BRWD3: variants seen among roughly 807,000 people sequenced by gnomAD.
BRWD3 encodes bromodomain and WD repeat-containing protein 3.
BRWD3 carries 10 observed loss-of-function variants against 149.7 expected under a neutral mutation model. The observed-to-expected ratio is 0.07, with a 90% CI of 0.04 to 0.11. The LOEUF (loss-of-function observed/expected upper bound fraction) is 0.11, where lower values mean the gene tolerates loss of function less well. Ranked by LOEUF, BRWD3 falls within the 10% of genes least tolerant of loss-of-function variation. BRWD3 has a pLI of 1.00. For synonymous variants in BRWD3, 504 were observed against 456.7 expected (o/e 1.10, Z -1.32); for missense variants, 940 against 1,373.2 (o/e 0.68, Z 4.99).
At chrX:80,796,736 G>A (rs1231976634) in intron 4 of BRWD3, among the ~76,000 whole-genome samples, 1 of 112,257 alleles carries the variant, frequency 8.9e-6, no homozygotes, top group Non-Finnish European at 1.9e-5. Context: ...CCAGGGTTTA[G>A]CATCAGGACA....
At chrX:80,702,874 A>G (rs1470147375) in intron 24 of BRWD3, among the ~76,000 whole-genome samples, 1 of 112,009 alleles carries the variant, frequency 8.9e-6, no homozygotes, top group Non-Finnish European at 1.9e-5. Context: ...GATTAAAAAA[A>G]TTAGTATATC....
chrX:80,775,294 T>C (rs1465120587), intron 6 of BRWD3, among the ~76,000 whole-genome samples: 1 of 111,754 alleles, frequency 8.9e-6, no homozygotes, highest in Non-Finnish European at 1.9e-5. Flanking sequence ...CCTACCTCCC[T>C]TTCCAGTCTC....
rs1009210917 is a variant in BRWD3 at position 80,767,113 on chromosome X, T to G, written c.431-21384A>C. ...TAGGTAAACAAAGCCACAGGAAGCT[T>G]GAACTGGGCGGAGCCCACCTCAGCT... On this transcript the variant is annotated intron_variant, in intron 6 of 40. Coordinates refer to ENST00000373275, the MANE Select transcript of BRWD3 (RefSeq NM_153252.5). 2.7e-5 allele frequency among the ~76,000 whole-genome samples: 3 copies of G among 112,129 alleles called. No individual in the cohort carries two copies. The Admixed American group carries it at 2.8e-4, about 11-fold the overall frequency.
intron 14 of BRWD3, among the ~76,000 whole-genome samples, chrX:80,727,871 T>A (rs1056635582): frequency 2.1e-4 from 23 of 111,939 alleles, no homozygotes; most frequent in African/African-American, 7.1e-4. Flanking sequence ...TTAGCACTTA[T>A]CTGATTAAAG....
chrX:80,793,994 C>G (rs1316277108), intron 4 of BRWD3, among the ~76,000 whole-genome samples: 1 of 110,415 alleles, frequency 9.1e-6, no homozygotes, highest in East Asian at 2.9e-4. Context: ...GCGTGGCCAA[C>G]ATGGTGAAAC....
rs770291379 is a variant in BRWD3, at chrX:80,737,380, A to G, written c.814-1292T>C. 2.1e-4 allele frequency among the ~76,000 whole-genome samples: 24 copies of G among 112,325 alleles called. No homozygotes were observed. The East Asian group carries it at 6.1e-3, about 29-fold the overall frequency. ...AATTTGTTGTTATACTATATTACTT[A>G]AGGGATAATGACAAGAAAAAAATCT... is the stretch of plus-strand genomic sequence containing the variant. On this transcript the variant is annotated intron_variant, in intron 8 of 40. Transcript: ENST00000373275.
At chrX:80,700,113 T>C (rs2072759820) in intron 24 of BRWD3, 49 bp from the exon 25 acceptor site, 4 of 903,847 alleles carry the variant, frequency 4.4e-6, no homozygotes, top group Non-Finnish European at 6.4e-6. Flanking sequence ...TATATAACTC[T>C]GTATGTCCAA....
At chrX:80,762,687 C>T (rs1289626516) in intron 6 of BRWD3, among the ~76,000 whole-genome samples, 2 of 111,493 alleles carry the variant, frequency 1.8e-5, no homozygotes, top group Non-Finnish European at 3.8e-5. Flanking sequence ...TTTACCAATT[C>T]TCCTTACCTT....
At chrX:80,796,407 G>A (rs1307601230) in intron 4 of BRWD3, among the ~76,000 whole-genome samples, 2 of 111,540 alleles carry the variant, frequency 1.8e-5, no homozygotes, top group Non-Finnish European at 3.8e-5. Flanking sequence ...GGGATTACAG[G>A]CATGAGCCAC....
At chrX:80,700,442 A>ATATATATATATATATATATATAT (rs58761845) in intron 24 of BRWD3, among the ~76,000 whole-genome samples, 8 of 94,696 alleles carry the variant, frequency 8.4e-5, no homozygotes, top group South Asian at 5.0e-4. Context: ...TGATATATAT[A>ATATATATATATATATATATATAT]ACAATACAAT....
chrX:80,761,433 C>T (rs765096588), intron 6 of BRWD3, among the ~76,000 whole-genome samples: 1 of 112,128 alleles, frequency 8.9e-6, no homozygotes, highest in African/African-American at 3.2e-5. Context: ...CACACTGAAG[C>T]AATTATATGA....
intron 6 of BRWD3, among the ~76,000 whole-genome samples, chrX:80,788,016 G>A (rs866776602): frequency 4.6e-4 from 50 of 109,697 alleles, no homozygotes; most frequent in Non-Finnish European, 7.8e-4. Flanking sequence ...CACAGGAGGC[G>A]GAGCTTGCAG....
intron 6 of BRWD3, among the ~76,000 whole-genome samples, chrX:80,749,643 C>T (rs1023193070): frequency 9.0e-6 from 1 of 110,600 alleles, no homozygotes; most frequent in Non-Finnish European, 1.9e-5. Context: ...TTCAGCAGCT[C>T]AATGTCAAAA....
At chrX:80,742,652 T>A in intron 8 of BRWD3, among the ~76,000 whole-genome samples, 1 of 110,371 alleles carries the variant, frequency 9.1e-6, no homozygotes, top group Admixed American at 9.6e-5. Context: ...TTATTCTCTT[T>A]GAAGCAATTG....
At chrX:80,713,438 A>G (rs965481558) in intron 20 of BRWD3, among the ~76,000 whole-genome samples, 15 of 111,570 alleles carry the variant, frequency 1.3e-4, no homozygotes, top group Non-Finnish European at 2.8e-4. Context: ...ACTCAGAGTT[A>G]AATGGATTAA....
intron 4 of BRWD3, among the ~76,000 whole-genome samples, chrX:80,806,535 C>T (rs2074349661): frequency 8.9e-6 from 1 of 111,892 alleles, no homozygotes; most frequent in South Asian, 3.6e-4. Context: ...TCATGAGACC[C>T]TTTGACCTGG....
intron 4 of BRWD3, among the ~76,000 whole-genome samples, chrX:80,799,307 C>T (rs1367674036): frequency 1.8e-5 from 2 of 111,929 alleles, no homozygotes; most frequent in African/African-American, 3.2e-5. Flanking sequence ...GAGGCCAGGA[C>T]TGCACCAGGA....
intron 6 of BRWD3, among the ~76,000 whole-genome samples, chrX:80,748,088 C>G (rs771125505): frequency 9.0e-6 from 1 of 111,712 alleles, no homozygotes; most frequent in East Asian, 2.8e-4. Flanking sequence ...GATGATTCGC[C>G]CACCTCAGCC....
At position 80,671,510 on chromosome X, in the gene BRWD3, T is replaced by G. The variant is rs2072322966; in HGVS notation, c.*5099A>C. The G allele has an allele frequency of 8.9e-6, 1 of 111,942 alleles. No individual in the cohort carries two copies. Among genetic ancestry groups the G allele is most frequent in the Non-Finnish European group, 1.9e-5 (1 of 53,175 alleles). The allele number at this position is 111,942 out of a possible 1,213,427, so 9.2% of individuals were successfully genotyped here. On this transcript the variant is annotated 3_prime_UTR_variant, in exon 41 of 41. Coordinates refer to ENST00000373275, the MANE Select transcript of BRWD3 (RefSeq NM_153252.5). ...TTTCTTCTGGTTAATTTTTCTCTGG[T>G]ACATAAATTAAGGCATAAAGCAGCA...
Sources: allele counts gnomAD v4.1 joint callset (sites outside exome capture counted in the v4.1 genomes callset), GRCh38; gene constraint gnomAD v4.1.1; transcripts MANE v1.5; gene names NCBI Gene and HGNC (gene_info 2026-07-23, HGNC 2026-07-21).